Variants in QSER1 observed in about 807,000 individuals in gnomAD.
QSER1 encodes the protein glutamine and serine-rich protein 1.
A neutral mutation model predicts 158.5 loss-of-function variants in QSER1; 49 were observed. The ratio of observed to expected loss-of-function variants is 0.31; its 90% CI spans 0.25 to 0.39. The LOEUF is 0.39. Among genes scored for constraint, QSER1 ranks in the 10% least tolerant of loss-of-function variants. The pLI, the probability that QSER1 is intolerant of heterozygous loss-of-function variation, is 1.00. For synonymous variants in QSER1, 650 were observed against 715.5 expected, an observed-to-expected ratio of 0.91 and a Z score of 1.46; for missense variants, 1,754 against 2,010.3, an observed-to-expected ratio of 0.87 and a Z score of 2.44.
At chr11:32,929,343 C>G (rs142397296) in intron 3 of QSER1, among the ~76,000 whole-genome samples, 2,828 of 152,242 alleles carry the variant, frequency 0.019, 44 homozygotes, top group South Asian at 0.038. Flanking sequence ...AACTCCTGAC[C>G]TCATTCGATC....
At chr11:32,906,268 C>T (rs1326526084) in intron 1 of QSER1, among the ~76,000 whole-genome samples, 1 of 151,578 alleles carries the variant, frequency 6.6e-6, no homozygotes, top group Non-Finnish European at 1.5e-5. Flanking sequence ...ACTGAAAATA[C>T]AAAATTAGCC....
chr11:32,893,256 G>A lies in QSER1; in HGVS notation c.131G>A (p.Arg44Gln), dbSNP rs554698773. The A allele has an allele frequency of 7.0e-6, 1 of 141,944 alleles. No homozygotes were observed. The highest frequency in any genetic ancestry group is 2.0e-4 in the South Asian group (1 of 5,110). The allele number at this position is 141,944 out of a possible 1,614,324, so 8.8% of individuals were successfully genotyped here. A position where few individuals can be genotyped will look rare whatever the true frequency, so the allele number is the denominator to read the frequency against. Residue 44 changes from arginine (R) to glutamine (Q), a missense_variant, in exon 1 of 13, where the codon CGA becomes CAA. By Grantham distance (43) the Arg-to-Gln change is conservative. This residue lies in a region of QSER1 where 1,707 missense variants were observed against 1,919.6 expected (regional missense o/e 0.89). Transcript: ENST00000650167. This position sits in a 1 kb window ranked among gnomAD's most constrained non-coding sequence, Gnocchi z 4.7. ...GCCCCAGCCTGGGCGTACGAACCCC[G>A]AGCCGCCGCCGCCGCCGCCAGCAGC... ...PPAPAWAYEP[R>Q]AAAAAASSSC...
In QSER1 at chr11:32,960,505, GC is replaced by G. The variant is rs556585016; in HGVS notation, c.4969+2421del. Among the ~76,000 whole-genome samples, 32 of 152,250 alleles carry G rather than the reference GC, an allele frequency of 2.1e-4. No individual in the cohort carries two copies. In the South Asian group the frequency reaches 6.4e-3, roughly 31 times the overall value. On this transcript the variant is annotated intron_variant, in intron 8 of 12. Coordinates refer to ENST00000650167, the MANE Select transcript of QSER1 (RefSeq NM_001076786.3). ...ACCCAAGAGGCAAAGGTTTCAGTAA[GC>G]CAAGATTGCGCTATTGCACTCCAGC...
At position 32,931,972 on chromosome 11, in the gene QSER1, TC is replaced by T; in HGVS notation, c.716del (p.Pro239GlnfsTer14). On this transcript the variant is annotated frameshift_variant, in exon 4 of 13. Transcript: ENST00000650167. LOFTEE classifies it high-confidence loss of function. ...LQIKTSQGTV[P>X]TALAFERLGS... Reference sequence around the variant, plus strand: ...AAATCAAGACTTCCCAGGGAACTGTTCCAACTGCTTTGGCATTTGAGCGCCT... The same window carrying T: ...AAATCAAGACTTCCCAGGGAACTGTTCAACTGCTTTGGCATTTGAGCGCCT... 6.2e-7 allele frequency: 1 copy of T among 1,614,220 alleles called. No individual in the cohort carries two copies. The highest frequency in any genetic ancestry group is 8.5e-7 in the Non-Finnish European group (1 of 1,180,032).
chr11:32,975,406 A>G lies in QSER1; in HGVS notation c.5454+63A>G, dbSNP rs555835428. 3 of 1,589,270 alleles carry G rather than the reference A, an allele frequency of 1.9e-6. No individual in the cohort carries two copies. In the East Asian group the frequency reaches 6.8e-5, roughly 36 times the overall value. ...AGAATGTTAAGGAGACTCTAGCCAT[A>G]GTATTTTGGAGTGTTTTAAAGAGAG... On this transcript the variant is annotated intron_variant, in intron 12 of 12. Transcript: ENST00000650167.
chr11:32,916,152 C>T (rs1162494133), intron 1 of QSER1, among the ~76,000 whole-genome samples: 2 of 152,136 alleles, frequency 1.3e-5, no homozygotes, highest in Non-Finnish European at 2.9e-5. Context: ...CCGCCTGCCT[C>T]GGCCTCCCAA....
chr11:32,898,714 C>G (rs1851588590), intron 1 of QSER1, among the ~76,000 whole-genome samples: 2 of 152,114 alleles, frequency 1.3e-5, no homozygotes, highest in Non-Finnish European at 2.9e-5. Context: ...GCTGGGACTA[C>G]AGGCATGTGC....
At chr11:32,955,511 T>C in intron 6 of QSER1, 99 bp downstream of exon 6, 1 of 584,540 alleles carries the variant, frequency 1.7e-6, no homozygotes, top group East Asian at 3.2e-5. Flanking sequence ...ATATTTTTGA[T>C]ATAAAGTAGC....
chr11:32,949,627 C>T (rs4756385), intron 4 of QSER1, among the ~76,000 whole-genome samples: 116,449 of 152,172 alleles, frequency 0.77, 45,642 homozygotes, highest in East Asian at 0.99. Context: ...CAAGACAAAT[C>T]AGTTTCCATT....
chr11:32,925,208 T>A (rs1264013385), intron 1 of QSER1, among the ~76,000 whole-genome samples: 3 of 152,238 alleles, frequency 2.0e-5, no homozygotes, highest in Non-Finnish European at 4.4e-5. Context: ...CAATGTCTTT[T>A]TGGTAGAATG....
At chr11:32,970,485 A>G (rs527683286) in intron 10 of QSER1, among the ~76,000 whole-genome samples, 1 of 152,240 alleles carries the variant, frequency 6.6e-6, no homozygotes, top group South Asian at 2.1e-4. Flanking sequence ...GCCCACTGCC[A>G]TCTCCACCTC....
At chr11:32,913,876 T>C (rs1006844703) in intron 1 of QSER1, among the ~76,000 whole-genome samples, 2 of 152,236 alleles carry the variant, frequency 1.3e-5, no homozygotes, top group Admixed American at 1.3e-4. Flanking sequence ...TAGAACTGGA[T>C]TTGAATCCTG....
chr11:32,931,768 G>A lies in QSER1; in HGVS notation c.510G>A (p.Glu170=), dbSNP rs1182288020. Residue 170 remains glutamate, a synonymous_variant, in exon 4 of 13, where the codon GAG becomes GAA. Coordinates refer to ENST00000650167, the MANE Select transcript of QSER1 (RefSeq NM_001076786.3). ...GCATGCATTCCTCAGCAGCAACTGAGCTGTTTGCTACTGGACCTTTGCCAA... is the reference window on the plus strand; with the variant it reads ...GCATGCATTCCTCAGCAGCAACTGAACTGTTTGCTACTGGACCTTTGCCAA... ...QTGMHSSAAT[E]LFATGPLPST... The A allele has an allele frequency of 6.2e-7, 1 of 1,606,998 alleles. No individual in the cohort carries two copies. Among genetic ancestry groups the A allele is most frequent in the African/African-American group, 1.3e-5 (1 of 74,660 alleles).
At chr11:32,925,916 C>T (rs1387243216) in intron 1 of QSER1, 1 of 152,180 alleles carries the variant, frequency 6.6e-6, no homozygotes, top group Non-Finnish European at 1.5e-5. Context: ...TGTGTGCCTC[C>T]TCATGTGATG....
intron 1 of QSER1, among the ~76,000 whole-genome samples, chr11:32,925,428 TAAG>T (rs1851954777): frequency 6.6e-6 from 1 of 152,126 alleles, no homozygotes; most frequent in South Asian, 2.1e-4. Flanking sequence ...TGGCTAAAAT[TAAG>T]AAGACTGAAA....
intron 3 of QSER1, 74 bp downstream of exon 3, chr11:32,928,197 A>T: frequency 1.1e-6 from 1 of 914,752 alleles, no homozygotes. Context: ...TGGCCTTGTC[A>T]TTGTGGCTGG....
intron 1 of QSER1, among the ~76,000 whole-genome samples, chr11:32,923,923 G>A (rs568360351): frequency 3.0e-4 from 46 of 151,244 alleles, no homozygotes; most frequent in Non-Finnish European, 2.5e-4. Flanking sequence ...AACTGAGATC[G>A]CACCACTGCA....
chr11:32,943,479 C>CA (rs1210925108), intron 4 of QSER1, among the ~76,000 whole-genome samples: 1 of 151,690 alleles, frequency 6.6e-6, no homozygotes, highest in Non-Finnish European at 1.5e-5. Flanking sequence ...TTTTCTGCAT[C>CA]TATTGAGATA....
At position 32,977,563 on chromosome 11, in the gene QSER1, T is replaced by TA. The variant is rs1158845463; in HGVS notation, c.*1092dup. 1 of 152,668 alleles carries TA rather than the reference T, an allele frequency of 6.6e-6. No individual in the cohort carries two copies. Among genetic ancestry groups the TA allele is most frequent in the African/African-American group, 2.4e-5 (1 of 41,476 alleles). 9.5% of individuals were successfully genotyped at this position (152,668 alleles called of 1,614,324 possible). ...CTGATAATTAGACTATTTGCAGTGT[T>TA]AAACACAGCTTCCTTAACTCTTAGA... is the stretch of plus-strand genomic sequence containing the variant. On this transcript the variant is annotated 3_prime_UTR_variant, in exon 13 of 13. Coordinates refer to ENST00000650167, the MANE Select transcript of QSER1 (RefSeq NM_001076786.3).
Sources: allele counts gnomAD v4.1 joint callset (sites outside exome capture counted in the v4.1 genomes callset), GRCh38; gene constraint gnomAD v4.1.1; regional missense constraint gnomAD v4.1.1; non-coding constraint Gnocchi (gnomAD v3.1); transcripts MANE v1.5; gene names NCBI Gene and HGNC (gene_info 2026-07-23, HGNC 2026-07-21).